LRRTM4: variants seen among roughly 807,000 people sequenced by gnomAD.
LRRTM4 encodes leucine-rich repeat transmembrane neuronal protein 4.
LRRTM4 carries 25 observed loss-of-function variants against 47.6 expected under a neutral mutation model. The ratio of observed to expected loss-of-function variants is 0.53; its 90% CI spans 0.38 to 0.73. The LOEUF is 0.73. Ranked by LOEUF, LRRTM4 falls within the 30% of genes least tolerant of loss-of-function variation. The pLI, the probability that LRRTM4 is intolerant of heterozygous loss-of-function variation, is 0.00. For missense variants in LRRTM4, 638 were observed against 713.4 expected (o/e 0.89, Z 1.20); for synonymous variants, 311 against 269.5 (o/e 1.15, Z -1.51).
chr2:76,848,913 G>A (rs1671911878), intron 3 of LRRTM4, among the ~76,000 whole-genome samples: 1 of 151,954 alleles, frequency 6.6e-6, no homozygotes, highest in Non-Finnish European at 1.5e-5. Flanking sequence ...CTCATTGATG[G>A]GCATAAGCTA....
intron 3 of LRRTM4, among the ~76,000 whole-genome samples, chr2:77,514,008 A>G (rs1292292798): frequency 6.6e-6 from 1 of 152,130 alleles, no homozygotes; most frequent in African/African-American, 2.4e-5. Flanking sequence ...GATGGACATT[A>G]ATTCTGATGG....
At chr2:77,237,034 T>G (rs968822698) in intron 3 of LRRTM4, among the ~76,000 whole-genome samples, 1 of 152,082 alleles carries the variant, frequency 6.6e-6, no homozygotes, top group Non-Finnish European at 1.5e-5. Context: ...GATGCTGGCT[T>G]CATGGAATAA....
intron 3 of LRRTM4, among the ~76,000 whole-genome samples, chr2:76,968,802 G>C (rs1377888366): frequency 6.6e-6 from 1 of 151,714 alleles, no homozygotes; most frequent in Admixed American, 6.6e-5. Context: ...AAGACTTCTC[G>C]TGTTCAGCAA....
intron 3 of LRRTM4, among the ~76,000 whole-genome samples, chr2:77,480,912 C>T (rs577304800): frequency 2.4e-4 from 36 of 149,228 alleles, no homozygotes; most frequent in African/African-American, 8.6e-4. Flanking sequence ...TTGGACCCTA[C>T]GTCCAAATGA....
intron 3 of LRRTM4, among the ~76,000 whole-genome samples, chr2:76,785,404 A>T (rs1247768341): frequency 6.6e-6 from 1 of 152,174 alleles, no homozygotes; most frequent in African/African-American, 2.4e-5. Flanking sequence ...TGTATTTATT[A>T]AACTAGCTCA....
At chr2:77,005,295 C>A (rs1479048660) in intron 3 of LRRTM4, among the ~76,000 whole-genome samples, 1 of 152,138 alleles carries the variant, frequency 6.6e-6, no homozygotes, top group Admixed American at 6.6e-5. Context: ...TACATGCCTG[C>A]CACCACACCC....
rs116942861 is a variant in LRRTM4 at position 77,011,876 on chromosome 2, G to A, written c.1552-262960C>T. Among the ~76,000 whole-genome samples, 1,360 of 151,808 alleles carry A rather than the reference G, an allele frequency of 9.0e-3. 52 individuals are homozygous for A. Among genetic ancestry groups the A allele is most frequent in the East Asian group, 0.084 (432 of 5,130 alleles). On this transcript the variant is annotated intron_variant, in intron 3 of 3. Transcript: ENST00000409884. ...TAAATTTACTGGGGAGATTTTTATC[G>A]CTCTTAACCATTCACGTGGTTGAGA... is the stretch of plus-strand genomic sequence containing the variant.
intron 3 of LRRTM4, among the ~76,000 whole-genome samples, chr2:76,908,663 C>T (rs189738077): frequency 6.6e-6 from 1 of 152,104 alleles, no homozygotes; most frequent in Non-Finnish European, 1.5e-5. Context: ...CACAAAATCT[C>T]TGTACAAAAA....
chr2:76,869,645 G>C (rs968604840), intron 3 of LRRTM4, among the ~76,000 whole-genome samples: 1 of 152,136 alleles, frequency 6.6e-6, no homozygotes, highest in Non-Finnish European at 1.5e-5. Flanking sequence ...CTGTTATTAT[G>C]TGTGATGTAA....
intron 3 of LRRTM4, among the ~76,000 whole-genome samples, chr2:76,787,946 T>C (rs903258138): frequency 6.6e-6 from 1 of 152,168 alleles, no homozygotes; most frequent in African/African-American, 2.4e-5. Flanking sequence ...CATGAATTGC[T>C]TTATGTCTGT....
chr2:76,861,971 C>T (rs1021431401), intron 3 of LRRTM4, among the ~76,000 whole-genome samples: 12 of 152,006 alleles, frequency 7.9e-5, no homozygotes, highest in Admixed American at 2.0e-4. Context: ...ATAAGGCATT[C>T]GTTGCCTGGA....
intron 3 of LRRTM4, among the ~76,000 whole-genome samples, chr2:77,010,007 TAA>T (rs913635797): frequency 2.0e-5 from 3 of 152,044 alleles, no homozygotes; most frequent in African/African-American, 7.2e-5. Flanking sequence ...ACTTTATTTT[TAA>T]ATTCATAAGA....
At chr2:76,941,025 G>T (rs1207107488) in intron 3 of LRRTM4, among the ~76,000 whole-genome samples, 5 of 152,086 alleles carry the variant, frequency 3.3e-5, no homozygotes, top group Non-Finnish European at 7.4e-5. Context: ...GGTGATTATT[G>T]TTGTTTTTAA....
intron 3 of LRRTM4, among the ~76,000 whole-genome samples, chr2:77,386,609 A>G (rs1673285531): frequency 6.6e-6 from 1 of 152,162 alleles, no homozygotes; most frequent in Non-Finnish European, 1.5e-5. Flanking sequence ...TGATTTGGGT[A>G]TATACCCAGT....
At chr2:77,271,392 C>T (rs1558662423) in intron 3 of LRRTM4, among the ~76,000 whole-genome samples, 1 of 152,200 alleles carries the variant, frequency 6.6e-6, no homozygotes, top group East Asian at 1.9e-4. Flanking sequence ...CCAGGTCTCT[C>T]ACTTGCTTGC....
At chr2:76,985,534 G>T (rs1676764163) in intron 3 of LRRTM4, among the ~76,000 whole-genome samples, 2 of 151,918 alleles carry the variant, frequency 1.3e-5, no homozygotes, top group African/African-American at 4.8e-5. Flanking sequence ...TAATAACCCA[G>T]AGCCGGGTGA....
intron 3 of LRRTM4, among the ~76,000 whole-genome samples, chr2:76,794,437 A>G (rs947713279): frequency 1.3e-5 from 2 of 152,158 alleles, no homozygotes; most frequent in Admixed American, 1.3e-4. Flanking sequence ...TATTCCAGCT[A>G]TTTTGTTATA....
At chr2:77,103,667 A>ATATATATATCTATATC (rs145819033) in intron 3 of LRRTM4, among the ~76,000 whole-genome samples, 1 of 146,274 alleles carries the variant, frequency 6.8e-6, no homozygotes, top group African/African-American at 2.6e-5. Context: ...ATATATAGAT[A>ATATATATATCTATATC]TATATATCAC....
At chr2:77,063,364 T>C (rs1679854535) in intron 3 of LRRTM4, among the ~76,000 whole-genome samples, 1 of 152,174 alleles carries the variant, frequency 6.6e-6, no homozygotes, top group Admixed American at 6.6e-5. Context: ...TTGGGTTAAT[T>C]CTATTTTGAA....
Sources: gnomAD v4.1 joint callset for allele counts (sites outside exome capture counted in the v4.1 genomes callset) on GRCh38, gnomAD v4.1.1 for gene constraint, MANE v1.5 for transcripts, NCBI Gene and HGNC (gene_info 2026-07-23, HGNC 2026-07-21) for gene names.